Variants in FCHSD2 observed in about 807,000 individuals in gnomAD.
The protein encoded by FCHSD2 is FCH and double SH3 domains 2, also known as F-BAR and double SH3 domains protein 2.
A neutral mutation model predicts 108.1 loss-of-function variants in FCHSD2; 38 were observed. The observed-to-expected ratio is 0.35, with a 90% CI of 0.27 to 0.46. FCHSD2 has a LOEUF of 0.46. FCHSD2 is among the 20% of genes least tolerant of loss of function. The pLI, the probability that FCHSD2 is intolerant of heterozygous loss-of-function variation, is 1.00. For missense variants in FCHSD2, 751 were observed against 897.8 expected, an observed-to-expected ratio of 0.84 and a Z score of 2.09; for synonymous variants, 279 against 314.7, an observed-to-expected ratio of 0.89 and a Z score of 1.20.
At chr11:73,028,763 G>T (rs190116108) in intron 3 of FCHSD2, among the ~76,000 whole-genome samples, 101 of 152,288 alleles carry the variant, frequency 6.6e-4, no homozygotes, top group Non-Finnish European at 1.2e-3. Context: ...CATGAGGGCA[G>T]ATTTTCCTCA....
intron 7 of FCHSD2, 116 bp from the exon 8 acceptor site, chr11:72,984,332 C>T (rs1857272175): frequency 1.6e-5 from 14 of 869,930 alleles, no homozygotes; most frequent in East Asian, 4.9e-5. Context: ...AAGGTAACCA[C>T]GTGCGGAAAA....
At chr11:72,990,514 C>A (rs1160065918) in intron 5 of FCHSD2, among the ~76,000 whole-genome samples, 5 of 152,186 alleles carry the variant, frequency 3.3e-5, no homozygotes, top group African/African-American at 1.2e-4. Context: ...GTCTCTCAGA[C>A]CACAGTGCAA....
chr11:72,837,399 G>C lies in FCHSD2; in HGVS notation c.*1392C>G, dbSNP rs1860761594. ...CAAGTTTTTTAAGATTCTTAGGAGGGATGGAGTTTTCAAAGCATAATACAA... is the reference window on the plus strand; with the variant it reads ...CAAGTTTTTTAAGATTCTTAGGAGGCATGGAGTTTTCAAAGCATAATACAA... On this transcript the variant is annotated 3_prime_UTR_variant, in exon 20 of 20. Transcript: ENST00000409418. 1 of 151,664 alleles carries C rather than the reference G, an allele frequency of 6.6e-6. No homozygotes were observed. The highest frequency in any genetic ancestry group is 2.1e-4 in the South Asian group (1 of 4,762). 9.4% of individuals were successfully genotyped at this position (151,664 alleles called of 1,614,324 possible). A position where few individuals can be genotyped will look rare whatever the true frequency, so the allele number is the denominator to read the frequency against.
chr11:72,983,898 T>G, intron 8 of FCHSD2, 190 bp downstream of exon 8: 1 of 680,206 alleles, frequency 1.5e-6, no homozygotes, highest in South Asian at 1.5e-5. Flanking sequence ...TGTAAACATT[T>G]TCTTAACTAA....
chr11:72,882,238 C>T lies in FCHSD2; in HGVS notation c.1146+5232G>A, dbSNP rs183949153. ...CGGGTGGATCATGAGGTCAGGAGTT[C>T]GAGACCAGCTTGGCCAACATGGTAA... On this transcript the variant is annotated intron_variant, in intron 12 of 19. Coordinates refer to ENST00000409418, the MANE Select transcript of FCHSD2 (RefSeq NM_014824.3). Among the ~76,000 whole-genome samples, 452 of 151,464 alleles carry T rather than the reference C, an allele frequency of 3.0e-3. 1 individual carries two copies. Among genetic ancestry groups the T allele is most frequent in the Middle Eastern group, 0.01 (3 of 290 alleles).
intron 8 of FCHSD2, among the ~76,000 whole-genome samples, chr11:72,980,684 T>C (rs1472487627): frequency 1.3e-5 from 2 of 148,830 alleles, no homozygotes; most frequent in Admixed American, 6.7e-5. Flanking sequence ...TGTATATATA[T>C]ATATATATAT....
chr11:72,880,739 A>C (rs1855066408), intron 12 of FCHSD2, among the ~76,000 whole-genome samples: 3 of 151,876 alleles, frequency 2.0e-5, no homozygotes, highest in Admixed American at 1.3e-4. Flanking sequence ...AACATAGCGA[A>C]ACCCCATCTT....
intron 8 of FCHSD2, among the ~76,000 whole-genome samples, chr11:72,977,849 A>T (rs1857132714): frequency 6.6e-6 from 1 of 152,276 alleles, no homozygotes; most frequent in South Asian, 2.1e-4. Flanking sequence ...TGCTGCTCTG[A>T]AGACACATGC....
intron 10 of FCHSD2, among the ~76,000 whole-genome samples, chr11:72,891,094 T>C (rs1855305265): frequency 6.6e-6 from 1 of 152,076 alleles, no homozygotes; most frequent in Non-Finnish European, 1.5e-5. Context: ...TTTTTTTTTT[T>C]CCTTCTAGAG....
In FCHSD2 at chr11:72,836,795, T is replaced by G. The variant is rs1860741844; in HGVS notation, c.*1996A>C. The G allele has an allele frequency of 6.6e-6, 1 of 152,624 alleles. No individual in the cohort carries two copies. The highest frequency in any genetic ancestry group is 1.5e-5 in the Non-Finnish European group (1 of 68,042). The allele number at this position is 152,624 out of a possible 1,614,324, so 9.5% of individuals were successfully genotyped here. A position where few individuals can be genotyped will look rare whatever the true frequency, so the allele number is the denominator to read the frequency against. The stretch of plus-strand genomic sequence containing the variant: ...CATTTTATACATAATAAATACAAAC[T>G]TTTTACAGCCACTGTAAAGAAAGCA... On this transcript the variant is annotated 3_prime_UTR_variant, in exon 20 of 20. Transcript: ENST00000409418.
At chr11:73,017,095 A>C (rs1036271850) in intron 3 of FCHSD2, among the ~76,000 whole-genome samples, 4 of 152,108 alleles carry the variant, frequency 2.6e-5, no homozygotes, top group African/African-American at 4.8e-5. Flanking sequence ...CAATCCTCCC[A>C]ACTCAGCCTC....
chr11:73,039,649 C>G (rs1858585923), intron 3 of FCHSD2, among the ~76,000 whole-genome samples: 2 of 152,156 alleles, frequency 1.3e-5, no homozygotes. Flanking sequence ...TTACTCAACA[C>G]AGCAATATAT....
At chr11:73,083,133 A>G (rs1304123587) in intron 3 of FCHSD2, among the ~76,000 whole-genome samples, 1 of 152,250 alleles carries the variant, frequency 6.6e-6, no homozygotes, top group Admixed American at 6.5e-5. Context: ...AAACTTGTAA[A>G]AAGTATTATT....
intron 8 of FCHSD2, among the ~76,000 whole-genome samples, chr11:72,937,895 G>A (rs923617359): frequency 6.6e-6 from 1 of 152,180 alleles, no homozygotes; most frequent in Admixed American, 6.5e-5. Flanking sequence ...GGGAAATACA[G>A]AACATAAGAT....
chr11:72,991,584 T>C (rs1050127106), intron 5 of FCHSD2, among the ~76,000 whole-genome samples: 1 of 151,952 alleles, frequency 6.6e-6, no homozygotes, highest in East Asian at 1.9e-4. Flanking sequence ...GCTTCATCCC[T>C]GGGATGCAAG....
intron 8 of FCHSD2, among the ~76,000 whole-genome samples, chr11:72,934,110 G>GA (rs375464183): frequency 0.61 from 31,234 of 51,108 alleles, 9,899 homozygotes; most frequent in South Asian, 0.76. Flanking sequence ...CACTGTCTCA[G>GA]AAAAAAAAAA....
chr11:73,014,914 G>A (rs921165866), intron 4 of FCHSD2, among the ~76,000 whole-genome samples: 1 of 152,036 alleles, frequency 6.6e-6, no homozygotes, highest in African/African-American at 2.4e-5. Context: ...CATGATTTCG[G>A]CTCAATGCAA....
At chr11:72,901,520 T>C (rs1688846946) in intron 10 of FCHSD2, among the ~76,000 whole-genome samples, 1 of 151,620 alleles carries the variant, frequency 6.6e-6, no homozygotes, top group Admixed American at 6.6e-5. Context: ...ATAGGGAGAG[T>C]GACTGCTTAA....
chr11:73,113,415 T>C (rs927247333), intron 2 of FCHSD2, among the ~76,000 whole-genome samples: 3 of 146,442 alleles, frequency 2.0e-5, no homozygotes, highest in African/African-American at 5.1e-5. Context: ...GTCACCTAGA[T>C]TGGAGTGCAG....
Sources: allele counts gnomAD v4.1 joint callset (sites outside exome capture counted in the v4.1 genomes callset), GRCh38; gene constraint gnomAD v4.1.1; transcripts MANE v1.5; gene names NCBI Gene and HGNC (gene_info 2026-07-23, HGNC 2026-07-21).